The following SGMS1 variants were observed in gnomAD, a reference collection of about 807,000 sequenced individuals.
The protein encoded by SGMS1 is phosphatidylcholine:ceramide cholinephosphotransferase 1.
A neutral mutation model predicts 46.2 loss-of-function variants in SGMS1; 13 were observed. The ratio of observed to expected loss-of-function variants is 0.28; its 90% CI spans 0.18 to 0.45. The LOEUF is 0.45. Ranked by LOEUF, SGMS1 falls within the 20% of genes least tolerant of loss-of-function variation. The pLI is 1.00. For synonymous variants in SGMS1, 203 were observed against 187.8 expected (o/e 1.08, Z -0.66); for missense variants, 324 against 519.9 (o/e 0.62, Z 3.66).
chr10:50,435,609 T>C (rs1278821398), intron 5 of SGMS1, among the ~76,000 whole-genome samples: 1 of 152,234 alleles, frequency 6.6e-6, no homozygotes, highest in African/African-American at 2.4e-5. Flanking sequence ...ATATCAATAC[T>C]GAGCTTCTTT....
Position 50,307,319 on chromosome 10 carries a change from C to T in SGMS1, c.1065G>A (p.Val355=). The change falls in exon 11 of 11, where the codon GTG becomes GTA. Residue 355 remains valine, a splice_region_variant and synonymous_variant. Coordinates refer to ENST00000361781, the MANE Select transcript of SGMS1 (RefSeq NM_147156.4). This position sits in a 1 kb window ranked among gnomAD's most constrained non-coding sequence, Gnocchi z 4.2. ...WWYHTMANQQ[V]LKEASQMNLL... ...GGTTCATCTGGGAAGCTTCCTTTAG[C>T]ACCTAGGATAACAAAGAAACATAAA... 3 of 1,609,576 alleles carry T rather than the reference C, an allele frequency of 1.9e-6. No homozygotes were observed. The East Asian group carries it at 6.7e-5, about 36-fold the overall frequency.
intron 1 of SGMS1, among the ~76,000 whole-genome samples, chr10:50,595,871 G>C (rs570651870): frequency 1.3e-5 from 2 of 152,292 alleles, no homozygotes; most frequent in South Asian, 4.1e-4. Flanking sequence ...GACTCAGTCA[G>C]AAGACGACTG....
At chr10:50,308,255 T>C (rs1048798887) in intron 9 of SGMS1, 107 bp from the exon 10 acceptor site, 54 of 978,064 alleles carry the variant, frequency 5.5e-5, no homozygotes, top group Non-Finnish European at 7.1e-5. Flanking sequence ...GAGTCTTCCC[T>C]TCTGAAAACA....
rs1418605778 is a variant in SGMS1, at chr10:50,381,278, A to AAAG, written c.-231-36936_-231-36934dup. On this transcript the variant is annotated intron_variant, in intron 6 of 10. Coordinates refer to ENST00000361781, the MANE Select transcript of SGMS1 (RefSeq NM_147156.4). ...GAACAGTGTTCTAAAAGAAAAAAAAAAAGAAGAAGAAGAAAAAAAAAATCC... is the reference window on the plus strand; with the variant it reads ...GAACAGTGTTCTAAAAGAAAAAAAAAAAGAAGAAGAAGAAGAAAAAAAAAATCC... Among the ~76,000 whole-genome samples the AAAG allele has an allele frequency of 3.3e-5, 5 of 152,044 alleles. No homozygotes were observed. The South Asian group carries it at 8.3e-4, about 25-fold the overall frequency.
intron 3 of SGMS1, among the ~76,000 whole-genome samples, chr10:50,484,775 A>G (rs1400928840): frequency 6.6e-6 from 1 of 152,226 alleles, no homozygotes. Context: ...CATCACATAA[A>G]CTAAACTAAA....
At chr10:50,544,780 T>C (rs1471646766) in intron 2 of SGMS1, among the ~76,000 whole-genome samples, 1 of 152,090 alleles carries the variant, frequency 6.6e-6, no homozygotes, top group Non-Finnish European at 1.5e-5. Context: ...GCACACAGCA[T>C]TGGTCTCAGA....
At chr10:50,508,634 T>A (rs1456259718) in intron 3 of SGMS1, among the ~76,000 whole-genome samples, 1 of 152,188 alleles carries the variant, frequency 6.6e-6, no homozygotes, top group Non-Finnish European at 1.5e-5. Context: ...TTTGACTCAC[T>A]GTGGCAGGTG....
At chr10:50,418,147 C>T (rs1849202464) in intron 6 of SGMS1, 1 of 152,140 alleles carries the variant, frequency 6.6e-6, no homozygotes, top group African/African-American at 2.4e-5. Context: ...TCAGGGTGCG[C>T]GCAGCCAGCC....
chr10:50,335,457 T>G (rs1484519660), intron 7 of SGMS1: 1 of 152,232 alleles, frequency 6.6e-6, no homozygotes, highest in African/African-American at 2.4e-5. Flanking sequence ...TAATTTTCAT[T>G]TTGTAGGTAA....
At chr10:50,441,068 G>A (rs1387959453) in intron 5 of SGMS1, among the ~76,000 whole-genome samples, 1 of 152,220 alleles carries the variant, frequency 6.6e-6, no homozygotes, top group Non-Finnish European at 1.5e-5. Flanking sequence ...GACATTGCAT[G>A]AAATGCATGC....
At position 50,496,925 on chromosome 10, in the gene SGMS1, T is replaced by C. The variant is rs376167407; in HGVS notation, c.-498+22906A>G. ...CTCCATGCATGTCAACTAATGTCACTACCAACATCTTTAGACACAAACCCA... is the reference window on the plus strand; with the variant it reads ...CTCCATGCATGTCAACTAATGTCACCACCAACATCTTTAGACACAAACCCA... On this transcript the variant is annotated intron_variant, in intron 3 of 10. Coordinates refer to ENST00000361781, the MANE Select transcript of SGMS1 (RefSeq NM_147156.4). 7.0e-4 allele frequency among the ~76,000 whole-genome samples: 107 copies of C among 152,364 alleles called. 1 individual carries two copies. Among genetic ancestry groups the C allele is most frequent in the African/African-American group, 2.5e-3 (105 of 41,580 alleles).
chr10:50,613,372 A>G lies in SGMS1; in HGVS notation c.-684+10335T>C, dbSNP rs117127416. Among the ~76,000 whole-genome samples, 1,011 of 152,320 alleles carry G rather than the reference A, an allele frequency of 6.6e-3. 6 individuals carry two copies. The highest frequency in any genetic ancestry group is 0.01 in the Non-Finnish European group (708 of 68,032). On this transcript the variant is annotated intron_variant, in intron 1 of 10. Coordinates refer to ENST00000361781, the MANE Select transcript of SGMS1 (RefSeq NM_147156.4). The stretch of plus-strand genomic sequence containing the variant: ...GTCTGTCTCCCCACTAATCCCTCAA[A>G]GACCCAGACCCCATCGCACTCATCT...
Position 50,587,459 on chromosome 10 carries a change from C to T in SGMS1, c.-589+2694G>A, listed in dbSNP as rs146271262. Among the ~76,000 whole-genome samples, 1,328 of 152,210 alleles carry T rather than the reference C, an allele frequency of 8.7e-3. 6 individuals are homozygous for T. Among genetic ancestry groups the T allele is most frequent in the Middle Eastern group, 0.031 (9 of 294 alleles). ...ACCAGCCTGGCCAATATGGTGAAAC[C>T]GTGTCTCTACTAAAAATACAAAAAT... is the stretch of plus-strand genomic sequence containing the variant. On this transcript the variant is annotated intron_variant, in intron 2 of 10. Transcript: ENST00000361781.
At chr10:50,461,270 C>T (rs999416754) in intron 4 of SGMS1, among the ~76,000 whole-genome samples, 14 of 152,092 alleles carry the variant, frequency 9.2e-5, no homozygotes, top group African/African-American at 3.4e-4. Context: ...GTGTCATGAT[C>T]TCTCTGGGGC....
intron 1 of SGMS1, among the ~76,000 whole-genome samples, chr10:50,621,603 A>G (rs538101232): frequency 1.3e-5 from 2 of 152,362 alleles, no homozygotes; most frequent in African/African-American, 2.4e-5. Context: ...AAATCTTCCA[A>G]TGAGTAAGAT....
chr10:50,565,725 G>A (rs1838282520), intron 2 of SGMS1, among the ~76,000 whole-genome samples: 1 of 152,186 alleles, frequency 6.6e-6, no homozygotes, highest in Non-Finnish European at 1.5e-5. Flanking sequence ...ACATAATAGT[G>A]TCCAGGGTCT....
intron 1 of SGMS1, among the ~76,000 whole-genome samples, chr10:50,594,619 CT>C (rs1292886271): frequency 1.3e-5 from 2 of 151,806 alleles, no homozygotes; most frequent in African/African-American, 4.8e-5. Context: ...AAAAGCTGTC[CT>C]TTATAGGTTT....
At chr10:50,474,099 C>T (rs993222333) in intron 3 of SGMS1, 3 of 152,218 alleles carry the variant, frequency 2.0e-5, no homozygotes, top group African/African-American at 7.2e-5. Context: ...AGTTCCCAAC[C>T]TGAGGTCTCA....
intron 7 of SGMS1, chr10:50,340,320 C>T (rs1167665760): frequency 6.6e-6 from 1 of 152,230 alleles, no homozygotes; most frequent in Non-Finnish European, 1.5e-5. Context: ...ATCCTTACAT[C>T]TTCAGCCTTC....
Sources: gnomAD v4.1 joint callset for allele counts (sites outside exome capture counted in the v4.1 genomes callset) on GRCh38, gnomAD v4.1.1 for gene constraint, Gnocchi (gnomAD v3.1) non-coding constraint, MANE v1.5 for transcripts, NCBI Gene and HGNC (gene_info 2026-07-23, HGNC 2026-07-21) for gene names.